Variants in SNTG1 observed in about 807,000 individuals in gnomAD.
The protein encoded by SNTG1 is syntrophin gamma 1.
Under a neutral mutation model 74.7 loss-of-function variants are expected in SNTG1, and 39 were observed. That is an observed-to-expected ratio of 0.52 (90% CI 0.40 to 0.68). SNTG1 has a LOEUF of 0.68. SNTG1 is among the 30% of genes least tolerant of loss of function. The pLI, the probability that SNTG1 is intolerant of heterozygous loss-of-function variation, is 0.00. For synonymous variants in SNTG1, 254 were observed against 217.1 expected, an observed-to-expected ratio of 1.17 and a Z score of -1.49; for missense variants, 685 against 609.5, an observed-to-expected ratio of 1.12 and a Z score of -1.30.
At chr8:50,736,040 G>A (rs777555759) in intron 17 of SNTG1, among the ~76,000 whole-genome samples, 37 of 151,880 alleles carry the variant, frequency 2.4e-4, no homozygotes, top group Non-Finnish European at 4.7e-4. Flanking sequence ...ACCCAAAGGA[G>A]AAATAAAATC....
At chr8:50,490,274 G>A (rs2093839408) in intron 8 of SNTG1, among the ~76,000 whole-genome samples, 1 of 151,968 alleles carries the variant, frequency 6.6e-6, no homozygotes, top group Admixed American at 6.6e-5. Flanking sequence ...GGTTCCATAT[G>A]AAATTGAACG....
intron 18 of SNTG1, among the ~76,000 whole-genome samples, chr8:50,790,727 A>G (rs1311876275): frequency 6.6e-6 from 1 of 151,050 alleles, no homozygotes; most frequent in Non-Finnish European, 1.5e-5. Context: ...CCCGTCTACC[A>G]TTACTTCAAA....
chr8:50,187,051 A>T, intron 2 of SNTG1, among the ~76,000 whole-genome samples: 1 of 152,048 alleles, frequency 6.6e-6, no homozygotes, highest in Non-Finnish European at 1.5e-5. Context: ...TCTTGAGTTA[A>T]TTTTTGTATA....
intron 1 of SNTG1, among the ~76,000 whole-genome samples, chr8:49,934,918 T>C (rs1379623895): frequency 1.3e-5 from 2 of 152,124 alleles, no homozygotes; most frequent in African/African-American, 4.8e-5. Flanking sequence ...TGTTTCTCTT[T>C]GAATTTGTGA....
chr8:50,777,472 T>A (rs2095644284), intron 18 of SNTG1, among the ~76,000 whole-genome samples: 1 of 150,718 alleles, frequency 6.6e-6, no homozygotes, highest in Non-Finnish European at 1.5e-5. Flanking sequence ...CTTTTTTATG[T>A]CTTTTATTTC....
At chr8:50,711,181 A>G (rs2095460594) in intron 17 of SNTG1, among the ~76,000 whole-genome samples, 3 of 152,216 alleles carry the variant, frequency 2.0e-5, no homozygotes. Context: ...ATAAAAAGGT[A>G]ATTGTTACAT....
At chr8:50,615,714 G>C (rs1302596483) in intron 13 of SNTG1, among the ~76,000 whole-genome samples, 1 of 152,146 alleles carries the variant, frequency 6.6e-6, no homozygotes, top group African/African-American at 2.4e-5. Flanking sequence ...ATTTTACCTA[G>C]ATATATAACA....
At chr8:50,677,021 C>G (rs2095312109) in intron 15 of SNTG1, among the ~76,000 whole-genome samples, 1 of 151,860 alleles carries the variant, frequency 6.6e-6, no homozygotes, top group African/African-American at 2.4e-5. Context: ...AAACCAACAT[C>G]TTATATTTAT....
intron 2 of SNTG1, among the ~76,000 whole-genome samples, chr8:50,282,002 T>TTA (rs2088486286): frequency 6.6e-6 from 1 of 152,160 alleles, no homozygotes; most frequent in African/African-American, 2.4e-5. Flanking sequence ...CACTGCCATT[T>TTA]TAAAGTTCAC....
At chr8:50,199,169 T>C (rs2131830559) in intron 2 of SNTG1, among the ~76,000 whole-genome samples, 1 of 152,204 alleles carries the variant, frequency 6.6e-6, no homozygotes, top group East Asian at 1.9e-4. Flanking sequence ...TTTCTTGTGA[T>C]TAGACAAAAC....
intron 1 of SNTG1, among the ~76,000 whole-genome samples, chr8:50,007,914 C>A (rs1563462926): frequency 6.6e-6 from 1 of 152,104 alleles, no homozygotes; most frequent in Non-Finnish European, 1.5e-5. Context: ...TAAGCACCTA[C>A]TTCACAAGGT....
intron 18 of SNTG1, among the ~76,000 whole-genome samples, chr8:50,774,080 GA>G (rs2095633983): frequency 6.6e-6 from 1 of 151,768 alleles, no homozygotes; most frequent in African/African-American, 2.4e-5. Flanking sequence ...CCAGTCTAAG[GA>G]ATAACAAAAA....
Position 50,400,464 on chromosome 8 carries a change from A to T in SNTG1, c.28-1746A>T, listed in dbSNP as rs541380723. 2.6e-5 allele frequency among the ~76,000 whole-genome samples: 4 copies of T among 152,324 alleles called. 1 individual carries two copies. The South Asian group carries it at 8.3e-4, about 32-fold the overall frequency. On this transcript the variant is annotated intron_variant, in intron 3 of 18. Transcript: ENST00000642720. Reference sequence around the variant, plus strand: ...TCTTGGCTGTTGTGAATAGTGCTACAATAAACATGGGAGTGCAGATGTCCC... The same window carrying T: ...TCTTGGCTGTTGTGAATAGTGCTACTATAAACATGGGAGTGCAGATGTCCC...
chr8:50,652,505 GTATGTTA>G (rs982848112), intron 13 of SNTG1, among the ~76,000 whole-genome samples: 2 of 151,714 alleles, frequency 1.3e-5, no homozygotes, highest in Non-Finnish European at 2.9e-5. Flanking sequence ...TATTGTAAAG[GTATGTTA>G]TCAGGCCGGT....
Position 50,479,126 on chromosome 8 carries a change from G to A in SNTG1, c.364-23652G>A, listed in dbSNP as rs1324563014. ...ATACAGCTGTCAAACTATGGAAATAGAATTAAAACTAATAGAATCTAGCTC... is the reference window on the plus strand; with the variant it reads ...ATACAGCTGTCAAACTATGGAAATAAAATTAAAACTAATAGAATCTAGCTC... On this transcript the variant is annotated intron_variant, in intron 8 of 18. Transcript: ENST00000642720. Among the ~76,000 whole-genome samples, 5 of 152,232 alleles carry A rather than the reference G, an allele frequency of 3.3e-5. No individual in the cohort carries two copies. The East Asian group carries it at 9.7e-4, about 29-fold the overall frequency.
Position 50,520,937 on chromosome 8 carries a change from A to T in SNTG1, c.467-9240A>T, listed in dbSNP as rs6997607. ...CTATTACTGGGTATATACCCAAAGG[A>T]ATATAAATCTTTCTACTATAAGGAC... On this transcript the variant is annotated intron_variant, in intron 9 of 18. Transcript: ENST00000642720. 7.4e-3 allele frequency among the ~76,000 whole-genome samples: 1,134 copies of T among 152,298 alleles called. 18 individuals are homozygous for T. Among genetic ancestry groups the T allele is most frequent in the African/African-American group, 0.026 (1,083 of 41,556 alleles).
At chr8:50,008,861 G>A (rs766148634) in intron 1 of SNTG1, among the ~76,000 whole-genome samples, 1 of 152,092 alleles carries the variant, frequency 6.6e-6, no homozygotes, top group African/African-American at 2.4e-5. Context: ...GCTATATCTA[G>A]CTTGTTCATA....
chr8:50,187,404 C>A (rs1278980859), intron 2 of SNTG1, among the ~76,000 whole-genome samples: 3 of 152,038 alleles, frequency 2.0e-5, no homozygotes, highest in Non-Finnish European at 4.4e-5. Context: ...CTGACAAAAA[C>A]GAGCTATGGG....
At chr8:50,437,012 T>C (rs2093310759) in intron 4 of SNTG1, among the ~76,000 whole-genome samples, 1 of 152,112 alleles carries the variant, frequency 6.6e-6, no homozygotes, top group Admixed American at 6.5e-5. Flanking sequence ...ATACAAATAG[T>C]TCATCTTATA....
Sources: allele counts gnomAD v4.1 joint callset (sites outside exome capture counted in the v4.1 genomes callset), GRCh38; gene constraint gnomAD v4.1.1; transcripts MANE v1.5; gene names NCBI Gene and HGNC (gene_info 2026-07-23, HGNC 2026-07-21).